Variants in LPIN1 observed in about 807,000 individuals in gnomAD.
LPIN1 encodes the protein phosphatidate phosphatase LPIN1.
In LPIN1, 71 loss-of-function variants were observed where a neutral mutation model predicts 107.5. The observed-to-expected ratio is 0.66, with a 90% confidence interval of 0.55 to 0.80. The LOEUF (loss-of-function observed/expected upper bound fraction) is 0.80. Ranked by LOEUF, LPIN1 falls within the 30% of genes least tolerant of loss-of-function variation. The pLI is 0.00. For synonymous variants in LPIN1, 445 were observed against 452.6 expected (o/e 0.98, Z 0.21); for missense variants, 1,043 against 1,160.6 (o/e 0.90, Z 1.47).
intron 1 of LPIN1, among the ~76,000 whole-genome samples, chr2:11,732,197 T>C (rs910230133): frequency 6.6e-6 from 1 of 152,264 alleles, no homozygotes; most frequent in Non-Finnish European, 1.5e-5. Context: ...GGTGTGAACA[T>C]TTCTGTTATT....
At chr2:11,716,049 G>A (rs1377060090) in intron 2 of LPIN1, among the ~76,000 whole-genome samples, 1 of 152,150 alleles carries the variant, frequency 6.6e-6, no homozygotes, top group East Asian at 1.9e-4. Context: ...ACTGCTCATG[G>A]AACTTCCCAA....
chr2:11,792,085 C>T (rs1675849548), intron 13 of LPIN1, 79 bp downstream of exon 13: 2 of 1,217,154 alleles, frequency 1.6e-6, no homozygotes, highest in South Asian at 1.3e-5. Context: ...CATGTACTTA[C>T]ATCAGAGAAA....
intron 2 of LPIN1, among the ~76,000 whole-genome samples, chr2:11,715,228 G>C (rs1371069741): frequency 6.6e-6 from 1 of 152,224 alleles, no homozygotes; most frequent in Non-Finnish European, 1.5e-5. Context: ...TCTCCAGACT[G>C]TGGGGCAGGA....
intron 13 of LPIN1, 79 bp from the exon 14 acceptor site, chr2:11,795,329 A>C: frequency 3.5e-6 from 4 of 1,150,326 alleles, no homozygotes; most frequent in Non-Finnish European, 5.3e-6. Flanking sequence ...GCCTTAAGGA[A>C]GCCCATGGGA....
At chr2:11,708,843 C>T (rs1663260681) in intron 1 of LPIN1, among the ~76,000 whole-genome samples, 1 of 152,096 alleles carries the variant, frequency 6.6e-6, no homozygotes, top group Non-Finnish European at 1.5e-5. Flanking sequence ...ATGATGATGA[C>T]AATGATGATG....
chr2:11,754,158 G>A (rs1439396802), intron 1 of LPIN1, among the ~76,000 whole-genome samples: 2 of 152,218 alleles, frequency 1.3e-5, no homozygotes, highest in East Asian at 1.9e-4. Flanking sequence ...TTGGCCCCAC[G>A]AGCAGCAGCC....
At chr2:11,797,414 G>C (rs1414053204) in intron 14 of LPIN1, among the ~76,000 whole-genome samples, 1 of 152,194 alleles carries the variant, frequency 6.6e-6, no homozygotes, top group Admixed American at 6.5e-5. Context: ...GAGGACATGC[G>C]TTCAATCCCA....
chr2:11,780,583 A>G (rs1673421039), intron 7 of LPIN1, among the ~76,000 whole-genome samples: 1 of 152,200 alleles, frequency 6.6e-6, no homozygotes, highest in South Asian at 2.1e-4. Context: ...CCCTATGGAG[A>G]TCTCCAAAAT....
At position 11,826,014 on chromosome 2, in the gene LPIN1, C is replaced by CT; in HGVS notation, c.*1226dup. Reference sequence around the variant, plus strand: ...AGCGAAAAAGTAATAATTTGGCATTCTTTAAGCCTACAGAATGTGATTCTT... The same window carrying CT: ...AGCGAAAAAGTAATAATTTGGCATTCTTTTAAGCCTACAGAATGTGATTCTT... On this transcript the variant is annotated 3_prime_UTR_variant, in exon 21 of 21. Transcript: ENST00000674199. 1 of 152,636 alleles carries CT rather than the reference C, an allele frequency of 6.6e-6. No individual in the cohort carries two copies. The highest frequency in any genetic ancestry group is 2.1e-4 in the South Asian group (1 of 4,818). The allele number at this position is 152,636 out of a possible 1,614,324, so 9.5% of individuals were successfully genotyped here.
intron 2 of LPIN1, among the ~76,000 whole-genome samples, chr2:11,715,253 T>C (rs575933530): frequency 2.8e-4 from 42 of 152,192 alleles, no homozygotes; most frequent in Non-Finnish European, 5.1e-4. Flanking sequence ...ATGGCTACCA[T>C]GTTTCCACCC....
At chr2:11,808,334 G>A (rs183097568) in intron 17 of LPIN1, among the ~76,000 whole-genome samples, 2 of 152,276 alleles carry the variant, frequency 1.3e-5, no homozygotes, top group East Asian at 3.9e-4. Flanking sequence ...GGCCTTAGCA[G>A]CCACCACTGG....
intron 1 of LPIN1, among the ~76,000 whole-genome samples, chr2:11,684,176 C>G (rs12477731): frequency 0.015 from 2,230 of 152,242 alleles, 112 homozygotes; most frequent in East Asian, 0.12. Context: ...GAGCCCCCAC[C>G]CTTCCCAGTG....
chr2:11,757,413 G>T (rs571040528), intron 1 of LPIN1, among the ~76,000 whole-genome samples: 1 of 152,360 alleles, frequency 6.6e-6, no homozygotes, highest in African/African-American at 2.4e-5. Flanking sequence ...GGCTGGGTTT[G>T]TCTGACTTCT....
At chr2:11,721,594 T>C (rs572210501), upstream of LPIN1, 1 of 152,166 alleles carries the variant, frequency 6.6e-6, no homozygotes, top group South Asian at 2.1e-4. Flanking sequence ...CTCACTGTTC[T>C]AGGAGGAAAA....
rs538516067 is a variant in LPIN1 at position 11,774,907 on chromosome 2, C to T, written c.722+1162C>T. 1.7e-4 allele frequency among the ~76,000 whole-genome samples: 25 copies of T among 149,716 alleles called. No individual in the cohort carries two copies. The highest frequency in any genetic ancestry group is 3.1e-4 in the Non-Finnish European group (21 of 67,814). ...AGAGCCTAGCCCTGTTCAATAGAAA[C>T]GTAATAACTAGCTCCATATGTAATT... On this transcript the variant is annotated intron_variant, in intron 5 of 20. Coordinates refer to ENST00000674199, the MANE Select transcript of LPIN1 (RefSeq NM_001349206.2). The surrounding 1 kb of genome is among the most constrained non-coding windows in gnomAD (Gnocchi z 4.4).
intron 1 of LPIN1, among the ~76,000 whole-genome samples, chr2:11,729,570 A>T (rs945399376): frequency 6.6e-6 from 1 of 152,204 alleles, no homozygotes; most frequent in African/African-American, 2.4e-5. Context: ...GAGCAAAGTT[A>T]TGCCCATTTG....
At chr2:11,677,720 T>C in exon 1 of LPIN1, 2 of 1,535,712 alleles carry the variant, frequency 1.3e-6, no homozygotes, top group Non-Finnish European at 1.7e-6. Flanking sequence ...AGACTCGGCT[T>C]GGTCATGGGT....
intron 1 of LPIN1, among the ~76,000 whole-genome samples, chr2:11,712,761 G>A (rs1207085481): frequency 6.6e-6 from 1 of 152,156 alleles, no homozygotes; most frequent in Non-Finnish European, 1.5e-5. Context: ...ATGTTTTTGA[G>A]TATAATTTTA....
chr2:11,776,400 TC>T (rs1363056523), intron 6 of LPIN1, among the ~76,000 whole-genome samples: 7 of 152,198 alleles, frequency 4.6e-5, no homozygotes, highest in Non-Finnish European at 8.8e-5. Context: ...ATTACTCTTT[TC>T]CTTTCGTTAT....
Sources: allele counts gnomAD v4.1 joint callset (sites outside exome capture counted in the v4.1 genomes callset), GRCh38; gene constraint gnomAD v4.1.1; non-coding constraint Gnocchi (gnomAD v3.1); transcripts MANE v1.5; gene names NCBI Gene and HGNC (gene_info 2026-07-23, HGNC 2026-07-21).